ANXA8: variants seen among roughly 807,000 people sequenced by gnomAD.
ANXA8 encodes the protein annexin A8.
A neutral mutation model predicts 26.8 loss-of-function variants in ANXA8; 9 were observed. That is an observed-to-expected ratio of 0.34 (90% CI 0.20 to 0.59). ANXA8 has a LOEUF of 0.59. Ranked by LOEUF, ANXA8 falls within the 20% of genes least tolerant of loss-of-function variation. The pLI is 0.84. For synonymous variants in ANXA8, 39 were observed against 94.8 expected, an observed-to-expected ratio of 0.41 and a Z score of 3.42; for missense variants, 83 against 238.5, an observed-to-expected ratio of 0.35 and a Z score of 4.29.
chr10:47,607,443 G>A, the ANXA8 span, among the ~76,000 whole-genome samples: 1 of 150,414 alleles, frequency 6.6e-6, no homozygotes, highest in African/African-American at 2.5e-5. Flanking sequence ...CCTAAAATTT[G>A]TACCGTAAGT....
At chr10:47,969,949 T>G in the ANXA8 span, 1 of 151,386 alleles carries the variant, frequency 6.6e-6, no homozygotes, top group Non-Finnish European at 1.5e-5. Context: ...TTCTCTCTTT[T>G]TTAATGCTTT....
At chr10:47,496,127 T>A in the ANXA8 span, 1 of 151,408 alleles carries the variant, frequency 6.6e-6, no homozygotes, top group African/African-American at 2.4e-5. Flanking sequence ...AGGCTGACGC[T>A]TCTGTGCAGG....
the ANXA8 span, among the ~76,000 whole-genome samples, chr10:47,639,347 C>T: frequency 7.5e-6 from 1 of 133,770 alleles, no homozygotes; most frequent in Non-Finnish European, 1.6e-5. Flanking sequence ...GAGTCTAGCT[C>T]TTTCGCCCAG....
At chr10:47,666,548 C>T in the ANXA8 span, among the ~76,000 whole-genome samples, 2 of 151,866 alleles carry the variant, frequency 1.3e-5, no homozygotes, top group Non-Finnish European at 2.9e-5. Context: ...GTTATGATGT[C>T]GTGCAAGTAA....
chr10:47,709,551 A>G, the ANXA8 span, among the ~76,000 whole-genome samples: 3 of 149,398 alleles, frequency 2.0e-5, no homozygotes, highest in Middle Eastern at 3.4e-3. Flanking sequence ...TAAAAGACAT[A>G]GTAACTGAAG....
the ANXA8 span, among the ~76,000 whole-genome samples, chr10:47,736,440 T>G: frequency 4.9e-5 from 4 of 81,018 alleles, no homozygotes; most frequent in Non-Finnish European, 7.1e-5. Context: ...CAACATAGAT[T>G]AAATCATATC....
chr10:47,606,854 A>G, the ANXA8 span, among the ~76,000 whole-genome samples: 6 of 152,110 alleles, frequency 3.9e-5, no homozygotes, highest in Admixed American at 3.3e-4. Flanking sequence ...GTACCCCTGA[A>G]CTTAAAAGTT....
the ANXA8 span, among the ~76,000 whole-genome samples, chr10:47,950,659 GAAGTT>G: frequency 6.6e-6 from 1 of 150,604 alleles, no homozygotes; most frequent in African/African-American, 2.5e-5. Context: ...AACTAAAATA[GAAGTT>G]AATAGCAGAA....
the ANXA8 span, among the ~76,000 whole-genome samples, chr10:47,649,872 G>C: frequency 2.0e-5 from 3 of 147,364 alleles, no homozygotes; most frequent in Admixed American, 2.0e-4. Flanking sequence ...TGGGACTGTA[G>C]GCATGTGCCA....
At chr10:47,570,942 G>T in the ANXA8 span, among the ~76,000 whole-genome samples, 1 of 149,862 alleles carries the variant, frequency 6.7e-6, no homozygotes, top group Non-Finnish European at 1.5e-5. Flanking sequence ...GGCCTTTGAC[G>T]TGCCGCATAC....
chr10:47,521,710 T>A, the ANXA8 span, among the ~76,000 whole-genome samples: 1 of 150,596 alleles, frequency 6.6e-6, no homozygotes, highest in Non-Finnish European at 1.5e-5. Context: ...AACCAACTAA[T>A]TGTTTTCTGT....
chr10:47,676,363 A>G, the ANXA8 span, among the ~76,000 whole-genome samples: 2 of 152,048 alleles, frequency 1.3e-5, no homozygotes, highest in South Asian at 4.1e-4. Context: ...CAAAACAAAA[A>G]TAAGCCAACA....
chr10:47,720,637 G>A, the ANXA8 span, among the ~76,000 whole-genome samples: 1 of 141,770 alleles, frequency 7.1e-6, no homozygotes, highest in Non-Finnish European at 1.5e-5. Flanking sequence ...AGCACTCAGT[G>A]TTTTATGCTC....
the ANXA8 span, among the ~76,000 whole-genome samples, chr10:47,705,977 C>G: frequency 6.6e-6 from 1 of 150,910 alleles, no homozygotes; most frequent in African/African-American, 2.4e-5. Context: ...GCGGTGCTGA[C>G]GCCGGCCGGT....
At chr10:47,747,380 C>T in the ANXA8 span, among the ~76,000 whole-genome samples, 1 of 144,870 alleles carries the variant, frequency 6.9e-6, no homozygotes, top group African/African-American at 2.5e-5. Context: ...CAGGTTTTGG[C>T]AGTGTCATAT....
chr10:47,704,024 T>C, the ANXA8 span, among the ~76,000 whole-genome samples: 3 of 141,700 alleles, frequency 2.1e-5, no homozygotes, highest in African/African-American at 7.4e-5. Flanking sequence ...ACTGAGAAAC[T>C]CTTATAGACT....
chr10:47,948,082 C>T, the ANXA8 span, among the ~76,000 whole-genome samples: 1 of 149,218 alleles, frequency 6.7e-6, no homozygotes, highest in Non-Finnish European at 1.5e-5. Context: ...CTAATCTAAC[C>T]CCTTTCCTTC....
At chr10:47,684,099 T>C in the ANXA8 span, among the ~76,000 whole-genome samples, 3 of 151,976 alleles carry the variant, frequency 2.0e-5, no homozygotes, top group East Asian at 1.9e-4. Flanking sequence ...GATTGAGAAA[T>C]TGTATAATTA....
the ANXA8 span, among the ~76,000 whole-genome samples, chr10:47,686,168 G>C: frequency 6.1e-4 from 92 of 151,486 alleles, no homozygotes; most frequent in Middle Eastern, 6.9e-3. Flanking sequence ...ACTGCCCCAG[G>C]CTTCTCTCTT....
Sources: gnomAD v4.1 joint callset for allele counts (sites outside exome capture counted in the v4.1 genomes callset) on GRCh38, gnomAD v4.1.1 for gene constraint, MANE v1.5 for transcripts, NCBI Gene and HGNC (gene_info 2026-07-23, HGNC 2026-07-21) for gene names.